The following SGCZ variants were observed in gnomAD, a reference collection of about 807,000 sequenced individuals.
SGCZ encodes the protein zeta-sarcoglycan.
Under a neutral mutation model 41.3 loss-of-function variants are expected in SGCZ, and 40 were observed. The ratio of observed to expected loss-of-function variants is 0.97; its 90% CI spans 0.75 to 1.26. The LOEUF is 1.26. Ranked by LOEUF, SGCZ falls within the 50% of genes most tolerant of loss-of-function variation. The pLI, the probability that SGCZ is intolerant of heterozygous loss-of-function variation, is 0.00. For synonymous variants in SGCZ, 206 were observed against 137.5 expected, an observed-to-expected ratio of 1.50 and a Z score of -3.49; for missense variants, 552 against 369.8, an observed-to-expected ratio of 1.49 and a Z score of -4.04.
At chr8:14,885,930 G>C (rs1307112997) in intron 1 of SGCZ, among the ~76,000 whole-genome samples, 1 of 139,314 alleles carries the variant, frequency 7.2e-6, no homozygotes, top group African/African-American at 2.7e-5. Context: ...TGATCTGTTA[G>C]AAATTTAGCA....
At chr8:14,662,886 T>C (rs1365435258) in intron 1 of SGCZ, among the ~76,000 whole-genome samples, 2 of 151,812 alleles carry the variant, frequency 1.3e-5, no homozygotes, top group Non-Finnish European at 2.9e-5. Context: ...GAGGAAAGAG[T>C]CATGAGCCAA....
intron 1 of SGCZ, among the ~76,000 whole-genome samples, chr8:14,901,411 C>G (rs150992862): frequency 0.012 from 1,837 of 152,206 alleles, 33 homozygotes; most frequent in Non-Finnish European, 0.013. Context: ...AATGTAGTGA[C>G]AAACAGGCAA....
At chr8:14,106,091 T>C (rs1221594524) in intron 6 of SGCZ, among the ~76,000 whole-genome samples, 3 of 152,226 alleles carry the variant, frequency 2.0e-5, no homozygotes, top group African/African-American at 7.2e-5. Flanking sequence ...CCCATTCATT[T>C]AGTTAATGTC....
chr8:14,272,619 C>T (rs191699987), intron 3 of SGCZ, among the ~76,000 whole-genome samples: 32 of 152,122 alleles, frequency 2.1e-4, no homozygotes, highest in African/African-American at 7.7e-4. Flanking sequence ...TGTATGGTAC[C>T]TCCTTTCAAA....
intron 1 of SGCZ, among the ~76,000 whole-genome samples, chr8:14,699,781 A>AC (rs1809076631): frequency 6.6e-6 from 1 of 151,922 alleles, no homozygotes; most frequent in Non-Finnish European, 1.5e-5. Flanking sequence ...CAAAAAACAA[A>AC]ATTACCACAA....
At chr8:14,965,976 T>C (rs1197950795) in intron 1 of SGCZ, among the ~76,000 whole-genome samples, 2 of 152,160 alleles carry the variant, frequency 1.3e-5, no homozygotes, top group East Asian at 1.9e-4. Context: ...ACCTACAGAA[T>C]GCTCTCAAGC....
intron 6 of SGCZ, among the ~76,000 whole-genome samples, chr8:14,103,582 C>T (rs1396045998): frequency 1.3e-5 from 2 of 152,090 alleles, no homozygotes; most frequent in Admixed American, 1.3e-4. Flanking sequence ...AAAGTGAAAC[C>T]TAAAAGCTTA....
At chr8:14,784,913 A>AAAAAAAAAAAAAAAAAAAAAAAAT (rs1408574493) in intron 1 of SGCZ, among the ~76,000 whole-genome samples, 1 of 88,038 alleles carries the variant, frequency 1.1e-5, no homozygotes, top group African/African-American at 4.7e-5. Flanking sequence ...AAAAAAAAAA[A>AAAAAAAAAAAAAAAAAAAAAAAAT]ATATATATAT....
At chr8:14,128,465 C>T (rs1436439772) in intron 5 of SGCZ, among the ~76,000 whole-genome samples, 1 of 152,144 alleles carries the variant, frequency 6.6e-6, no homozygotes, top group Non-Finnish European at 1.5e-5. Flanking sequence ...GTGTAAATTA[C>T]TACAACCTCT....
rs1301252157 is a variant in SGCZ at position 14,669,388 on chromosome 8, A to AGT, written c.40-114463_40-114462insAC. ...AAGTAAGTAAGTAAGTAAGTAAGTA[A>AGT]ATAAATAAATAAATAAATAAATAGG... On this transcript the variant is annotated intron_variant, in intron 1 of 7. Coordinates refer to ENST00000382080, the MANE Select transcript of SGCZ (RefSeq NM_139167.4). Among the ~76,000 whole-genome samples, 588 of 37,414 alleles carry AGT rather than the reference A, an allele frequency of 0.016. 2 individuals are homozygous for AGT. In the East Asian group the frequency reaches 0.17, roughly 11 times the overall value. 24.5% of individuals were successfully genotyped at this position (37,414 alleles called of 152,430 possible).
At chr8:14,943,006 C>T (rs565349995) in intron 1 of SGCZ, among the ~76,000 whole-genome samples, 1 of 152,208 alleles carries the variant, frequency 6.6e-6, no homozygotes, top group East Asian at 1.9e-4. Context: ...GAGACACATT[C>T]AACTCTTACA....
chr8:14,189,725 C>T (rs1239957919), intron 4 of SGCZ, among the ~76,000 whole-genome samples: 3 of 152,136 alleles, frequency 2.0e-5, no homozygotes, highest in African/African-American at 4.8e-5. Flanking sequence ...CAATCCCATT[C>T]CTCCCATCAC....
At chr8:14,729,026 G>C (rs1007629591) in intron 1 of SGCZ, among the ~76,000 whole-genome samples, 1 of 152,068 alleles carries the variant, frequency 6.6e-6, no homozygotes, top group Non-Finnish European at 1.5e-5. Flanking sequence ...TTGTAATGTG[G>C]TCACTAGGAA....
chr8:15,042,087 C>A (rs7005301), intron 1 of SGCZ, among the ~76,000 whole-genome samples: 18,570 of 152,068 alleles, frequency 0.12, 1,240 homozygotes, highest in East Asian at 0.21. Flanking sequence ...TGAGAAAAGT[C>A]ATTTGTATTC....
chr8:14,840,596 C>G (rs1388304659), intron 1 of SGCZ, among the ~76,000 whole-genome samples: 3 of 152,050 alleles, frequency 2.0e-5, no homozygotes, highest in African/African-American at 7.2e-5. Context: ...GTCAAAGAAA[C>G]CAAGTCTCAT....
intron 1 of SGCZ, among the ~76,000 whole-genome samples, chr8:14,754,400 G>T (rs1242772103): frequency 1.3e-5 from 2 of 151,986 alleles, no homozygotes; most frequent in Non-Finnish European, 2.9e-5. Flanking sequence ...ACTCTAACAT[G>T]CCATATAATA....
intron 5 of SGCZ, among the ~76,000 whole-genome samples, chr8:14,146,955 G>T: frequency 6.8e-6 from 1 of 146,354 alleles, no homozygotes; most frequent in East Asian, 2.0e-4. Flanking sequence ...GGAATAAACA[G>T]AAAAAAAAAA....
intron 2 of SGCZ, among the ~76,000 whole-genome samples, chr8:14,403,487 T>A (rs558987024): frequency 2.4e-4 from 37 of 151,838 alleles, no homozygotes; most frequent in African/African-American, 8.0e-4. Flanking sequence ...TTATTGAGAG[T>A]TTTTAGCATG....
intron 2 of SGCZ, among the ~76,000 whole-genome samples, chr8:14,457,749 T>C (rs1800789922): frequency 6.6e-6 from 1 of 152,312 alleles, no homozygotes; most frequent in East Asian, 1.9e-4. Context: ...AAGGGCCCCC[T>C]GTCCAGTGGA....
Sources: gnomAD v4.1 joint callset for allele counts (sites outside exome capture counted in the v4.1 genomes callset) on GRCh38, gnomAD v4.1.1 for gene constraint, MANE v1.5 for transcripts, NCBI Gene and HGNC (gene_info 2026-07-23, HGNC 2026-07-21) for gene names.